Variants in ZCWPW1 observed in about 807,000 individuals in gnomAD.
The protein encoded by ZCWPW1 is zinc finger CW-type PWWP domain protein 1.
In ZCWPW1, 56 loss-of-function variants were observed where a neutral mutation model predicts 81.3. The ratio of observed to expected loss-of-function variants is 0.69; its 90% CI spans 0.56 to 0.86. The LOEUF is 0.86. Among genes scored for constraint, ZCWPW1 ranks in the 40% least tolerant of loss-of-function variants. The probability of loss-of-function intolerance (pLI) is 0.00; values close to 1 mark genes in which losing one functional copy is unlikely to be tolerated. For synonymous variants in ZCWPW1, 250 were observed against 273.7 expected (o/e 0.91, Z 0.86); for missense variants, 650 against 769.8 (o/e 0.84, Z 1.84).
intron 2 of ZCWPW1, among the ~76,000 whole-genome samples, chr7:100,420,956 C>A (rs1273109739): frequency 1.3e-5 from 2 of 152,140 alleles, no homozygotes; most frequent in Non-Finnish European, 2.9e-5. Flanking sequence ...TCAAGACCAG[C>A]CTGGGCAACA....
intron 8 of ZCWPW1, among the ~76,000 whole-genome samples, chr7:100,414,825 G>C (rs1794886530): frequency 6.6e-6 from 1 of 151,962 alleles, no homozygotes; most frequent in East Asian, 1.9e-4. Flanking sequence ...AAGAGATCGA[G>C]ACTATCCTGG....
intron 13 of ZCWPW1, 70 bp downstream of exon 13, chr7:100,404,943 T>A: frequency 6.6e-7 from 1 of 1,515,750 alleles, no homozygotes; most frequent in African/African-American, 1.4e-5. Flanking sequence ...CATCTTTGTC[T>A]GGACTGAGAA....
chr7:100,411,811 T>C (rs761269784), intron 8 of ZCWPW1, among the ~76,000 whole-genome samples: 1 of 152,158 alleles, frequency 6.6e-6, no homozygotes, highest in Non-Finnish European at 1.5e-5. Flanking sequence ...TATAATGATA[T>C]GGAACTGGAA....
rs186458192 is a variant in ZCWPW1, at chr7:100,426,152, A to G, written c.-136-1016T>C. Among the ~76,000 whole-genome samples, 221 of 152,274 alleles carry G rather than the reference A, an allele frequency of 1.5e-3. 2 individuals are homozygous for G. Among genetic ancestry groups the G allele is most frequent in the Non-Finnish European group, 2.2e-3 (152 of 68,022 alleles). On this transcript the variant is annotated intron_variant, in intron 1 of 17. Coordinates refer to ENST00000684423, the MANE Select transcript of ZCWPW1 (RefSeq NM_001386010.1). ...GTCTAAGAGAAGTAAACCCTTTAGC[A>G]TTGTCCTCTAACCCAGACTCCCTGA...
Position 100,419,653 on chromosome 7 carries a change from T to G in ZCWPW1, c.259A>C (p.Lys87Gln), listed in dbSNP as rs1795998491. The stretch of plus-strand genomic sequence containing the variant: ...ACCTTTTCTTTCTTCTCTGCTTGCT[T>G]GTTGATTTGTGCCTTTCTTTTTTTC... ...QEKKRKAQIN[K>Q]QAEKKEKEKS... Residue 87 changes from lysine to glutamine, a missense_variant, in exon 4 of 18, where the codon AAG becomes CAG. Lys to Gln is a moderately conservative substitution (Grantham distance 53). Transcript: ENST00000684423. 6.2e-7 allele frequency: 1 copy of G among 1,611,572 alleles called. No individual in the cohort carries two copies. Among genetic ancestry groups the G allele is most frequent in the South Asian group, 1.1e-5 (1 of 90,618 alleles).
intron 17 of ZCWPW1, 52 bp downstream of exon 17, chr7:100,401,837 A>G (rs1791966229): frequency 1.3e-6 from 2 of 1,542,266 alleles, no homozygotes; most frequent in Non-Finnish European, 1.7e-6. Context: ...GGGAGGGGAG[A>G]TGCTGACAGG....
At chr7:100,404,604 C>T (rs1180732258) in intron 13 of ZCWPW1, among the ~76,000 whole-genome samples, 2 of 152,164 alleles carry the variant, frequency 1.3e-5, no homozygotes, top group African/African-American at 4.8e-5. Context: ...AATGGATACA[C>T]CTGCCTTGGC....
intron 13 of ZCWPW1, among the ~76,000 whole-genome samples, chr7:100,404,596 T>C (rs535348843): frequency 3.0e-4 from 46 of 152,144 alleles, no homozygotes; most frequent in Middle Eastern, 3.4e-3. Context: ...CTGGACTCAA[T>C]GGATACACCT....
intron 5 of ZCWPW1, among the ~76,000 whole-genome samples, chr7:100,417,894 T>G (rs927677718): frequency 8.6e-5 from 13 of 150,738 alleles, no homozygotes; most frequent in African/African-American, 1.5e-4. Context: ...TGTTTTTTGG[T>G]TTTTTTTTGA....
chr7:100,417,995 G>A (rs996157837), intron 5 of ZCWPW1, among the ~76,000 whole-genome samples: 1 of 151,580 alleles, frequency 6.6e-6, no homozygotes, highest in Non-Finnish European at 1.5e-5. Context: ...AGCGATTCTC[G>A]TGCCTCAGCC....
intron 8 of ZCWPW1, 27 bp downstream of exon 8, chr7:100,415,948 T>C (rs749294324): frequency 1.1e-5 from 18 of 1,613,714 alleles, no homozygotes; most frequent in Middle Eastern, 3.3e-4. Flanking sequence ...TCAGGCCAAG[T>C]AGGTTTGCCA....
At chr7:100,415,641 A>C (rs548743280) in intron 8 of ZCWPW1, among the ~76,000 whole-genome samples, 1 of 152,120 alleles carries the variant, frequency 6.6e-6, no homozygotes, top group South Asian at 2.1e-4. Context: ...GATCTATAAT[A>C]CCACTCCTTA....
intron 1 of ZCWPW1, among the ~76,000 whole-genome samples, chr7:100,426,845 TC>T (rs1379864170): frequency 1.8e-5 from 1 of 56,574 alleles, no homozygotes. Context: ...TTCCCTTTCC[TC>T]CCCCTCTCCT....
At chr7:100,426,998 CCCTCCCTCCCGTT>C (rs1797608684) in intron 1 of ZCWPW1, among the ~76,000 whole-genome samples, 1 of 8,662 alleles carries the variant, frequency 1.2e-4, no homozygotes, top group African/African-American at 6.6e-4. Context: ...TCTTCTCCTT[CCCTCCCTCCCGTT>C]TCCTCCCCCT....
intron 1 of ZCWPW1, 149 bp downstream of exon 1, chr7:100,428,419 C>G (rs778797888): frequency 9.2e-5 from 14 of 152,422 alleles, no homozygotes; most frequent in Non-Finnish European, 1.8e-4. Context: ...CCAGAATCCT[C>G]TTTGGTGTCA....
rs1434733166 is a variant in ZCWPW1, at chr7:100,406,546, G to C, written c.1173+148C>G. The C allele has an allele frequency of 4.3e-6, 3 of 705,342 alleles. No homozygotes were observed. In the African/African-American group the frequency reaches 5.4e-5, roughly 13 times the overall value. The allele number at this position is 705,342 out of a possible 1,614,324, so 43.7% of individuals were successfully genotyped here. A position where few individuals can be genotyped will look rare whatever the true frequency, so the allele number is the denominator to read the frequency against. ...CCTGCTGCAGTCCTGGGAGCAAGAAGAGTCCTTCATGAATTACCTCACCCT... is the reference window on the plus strand; with the variant it reads ...CCTGCTGCAGTCCTGGGAGCAAGAACAGTCCTTCATGAATTACCTCACCCT... On this transcript the variant is annotated intron_variant, in intron 12 of 17. Transcript: ENST00000684423.
intron 15 of ZCWPW1, 24 bp from the exon 16 acceptor site, chr7:100,402,600 A>T: frequency 6.2e-7 from 1 of 1,610,646 alleles, no homozygotes; most frequent in Non-Finnish European, 8.5e-7. Flanking sequence ...AGAAAGTTTA[A>T]AAAAATGATA....
At chr7:100,411,191 C>A (rs1400253977) in intron 8 of ZCWPW1, among the ~76,000 whole-genome samples, 1 of 152,168 alleles carries the variant, frequency 6.6e-6, no homozygotes. Context: ...CCCATCCCTC[C>A]AGAATCATCC....
rs1033891234 is a variant in ZCWPW1 at position 100,401,940 on chromosome 7, G to C, written c.1576C>G (p.Pro526Ala). Residue 526 changes from proline to alanine, a missense_variant, in exon 17 of 18, where the codon CCC (proline) becomes GCC (alanine). Transcript: ENST00000684423. ...LGRKSTAPPA[P>A]RMGRKEGQGN... ...TGGCCTTCTTTCCTTCCCATTCTGGGTGCAGGAGGAGCTGTGGATTTCCTG... is the reference window on the plus strand; with the variant it reads ...TGGCCTTCTTTCCTTCCCATTCTGGCTGCAGGAGGAGCTGTGGATTTCCTG... 1 of 1,614,162 alleles carries C rather than the reference G, an allele frequency of 6.2e-7. No homozygotes were observed. Among genetic ancestry groups the C allele is most frequent in the African/African-American group, 1.3e-5 (1 of 75,040 alleles).
Sources: gnomAD v4.1 joint callset for allele counts (sites outside exome capture counted in the v4.1 genomes callset) on GRCh38, gnomAD v4.1.1 for gene constraint, MANE v1.5 for transcripts, NCBI Gene and HGNC (gene_info 2026-07-23, HGNC 2026-07-21) for gene names.